The following RYR3 variants were observed in gnomAD, a reference collection of about 807,000 sequenced individuals.
RYR3 encodes the protein brain ryanodine receptor-calcium release channel.
In RYR3, 207 loss-of-function variants were observed where a neutral mutation model predicts 584.3. The ratio of observed to expected loss-of-function variants is 0.35; its 90% CI spans 0.32 to 0.40. The LOEUF (loss-of-function observed/expected upper bound fraction) is 0.40. Among genes scored for constraint, RYR3 ranks in the 10% least tolerant of loss-of-function variants. The probability of loss-of-function intolerance (pLI) is 1.00; values close to 1 mark genes in which losing one functional copy is unlikely to be tolerated. For missense variants in RYR3, 5,616 were observed against 6,089.2 expected (o/e 0.92, Z 2.59); for synonymous variants, 2,416 against 2,248.5 (o/e 1.07, Z -2.11).
chr15:33,618,352 C>T (rs1348889328), intron 19 of RYR3, among the ~76,000 whole-genome samples: 2 of 152,170 alleles, frequency 1.3e-5, no homozygotes, highest in Admixed American at 6.5e-5. Context: ...CCAGACTTGG[C>T]TAAAATTCAG....
chr15:33,332,397 T>C (rs1431049408), intron 1 of RYR3, among the ~76,000 whole-genome samples: 1 of 152,108 alleles, frequency 6.6e-6, no homozygotes, highest in African/African-American at 2.4e-5. Flanking sequence ...TGTTAACACT[T>C]ATCTCAATAA....
intron 16 of RYR3, among the ~76,000 whole-genome samples, chr15:33,594,447 A>G (rs1457761454): frequency 6.6e-6 from 1 of 152,250 alleles, no homozygotes; most frequent in Non-Finnish European, 1.5e-5. Context: ...TAAAAGCCGT[A>G]AATAGCTTAA....
At chr15:33,539,191 GC>G in intron 5 of RYR3, 158 bp from the exon 6 acceptor site, 1 of 553,346 alleles carries the variant, frequency 1.8e-6, no homozygotes, top group Middle Eastern at 3.6e-4. Flanking sequence ...CAGATGGGGG[GC>G]TGTCTGGAAC....
intron 1 of RYR3, among the ~76,000 whole-genome samples, chr15:33,464,521 T>C (rs1471771388): frequency 2.2e-5 from 3 of 137,924 alleles, no homozygotes; most frequent in African/African-American, 5.3e-5. Flanking sequence ...CATACACATA[T>C]ATGTACATTT....
intron 1 of RYR3, among the ~76,000 whole-genome samples, chr15:33,376,019 G>A (rs958022887): frequency 1.1e-4 from 16 of 152,156 alleles, no homozygotes; most frequent in African/African-American, 3.9e-4. Context: ...AGCCGAGATC[G>A]CGCCACTGCA....
At chr15:33,677,174 C>T (rs564208478) in intron 38 of RYR3, among the ~76,000 whole-genome samples, 65 of 152,060 alleles carry the variant, frequency 4.3e-4, no homozygotes, top group Middle Eastern at 3.4e-3. Context: ...TATCCCGGAC[C>T]CACACTCTTT....
intron 12 of RYR3, among the ~76,000 whole-genome samples, chr15:33,568,925 A>T (rs957816430): frequency 6.6e-6 from 1 of 152,182 alleles, no homozygotes; most frequent in African/African-American, 2.4e-5. Context: ...AAATCATAAA[A>T]TATGTTGTCT....
At chr15:33,447,733 C>T (rs145000629) in intron 1 of RYR3, among the ~76,000 whole-genome samples, 119 of 152,280 alleles carry the variant, frequency 7.8e-4, no homozygotes, top group African/African-American at 2.8e-3. Flanking sequence ...GCTCAATAGC[C>T]ACACATGACT....
chr15:33,656,749 G>C, intron 32 of RYR3, among the ~76,000 whole-genome samples: 1 of 152,156 alleles, frequency 6.6e-6, no homozygotes, highest in Non-Finnish European at 1.5e-5. Flanking sequence ...CTGGCTATCA[G>C]CCAGGGCCAC....
chr15:33,794,079 A>AAT (rs2075365193), intron 67 of RYR3, among the ~76,000 whole-genome samples: 1 of 140,068 alleles, frequency 7.1e-6, no homozygotes, highest in Admixed American at 7.5e-5. Context: ...AATATATATA[A>AAT]ATATATACAT....
chr15:33,660,174 A>C (rs1442274478), intron 33 of RYR3, 23 bp from the exon 34 acceptor site: 2 of 1,514,574 alleles, frequency 1.3e-6, no homozygotes, highest in Non-Finnish European at 1.8e-6. Context: ...TTTCTTTTCC[A>C]ATGCCTTTCC....
At chr15:33,624,600 C>A (rs936538021) in intron 20 of RYR3, among the ~76,000 whole-genome samples, 3 of 151,924 alleles carry the variant, frequency 2.0e-5, no homozygotes, top group Admixed American at 2.0e-4. Context: ...GAGGGAGGAG[C>A]AAGTAGGAGA....
intron 1 of RYR3, among the ~76,000 whole-genome samples, chr15:33,391,809 G>A (rs1367687390): frequency 1.3e-5 from 2 of 152,048 alleles, no homozygotes; most frequent in East Asian, 1.9e-4. Flanking sequence ...CTGGAAGAGG[G>A]TGTAGGACTC....
At chr15:33,717,063 C>A (rs1005506260) in intron 43 of RYR3, among the ~76,000 whole-genome samples, 4 of 152,150 alleles carry the variant, frequency 2.6e-5, no homozygotes, top group Admixed American at 2.6e-4. Flanking sequence ...GCTACATAGA[C>A]CCAAACTCTA....
chr15:33,850,819 C>T (rs191119637), intron 94 of RYR3: 17 of 152,222 alleles, frequency 1.1e-4, no homozygotes, highest in Admixed American at 7.8e-4. Context: ...CTTCCCAACC[C>T]ACAGCTATCT....
intron 3 of RYR3, among the ~76,000 whole-genome samples, chr15:33,515,115 A>G (rs1567419994): frequency 6.6e-6 from 1 of 152,262 alleles, no homozygotes; most frequent in Non-Finnish European, 1.5e-5. Flanking sequence ...TAAAGACCAC[A>G]TCAGTGAAAA....
chr15:33,864,234 T>C, intron 103 of RYR3, 45 bp downstream of exon 103: 4 of 1,486,904 alleles, frequency 2.7e-6, no homozygotes, highest in Non-Finnish European at 3.7e-6. Context: ...CTCCCTTTCC[T>C]AAATCTTGAG....
At chr15:33,634,487 A>C (rs2061412258) in intron 24 of RYR3, 99 bp from the exon 25 acceptor site, 1 of 1,250,408 alleles carries the variant, frequency 8.0e-7, no homozygotes, top group Non-Finnish European at 1.2e-6. Context: ...ACCTAGAGCG[A>C]CCAGAAAGCC....
chr15:33,538,569 G>A (rs1390841733), intron 5 of RYR3, among the ~76,000 whole-genome samples: 1 of 152,168 alleles, frequency 6.6e-6, no homozygotes, highest in Non-Finnish European at 1.5e-5. Context: ...ATCTTCTATA[G>A]CGTGGAGGAG....
Sources: allele counts gnomAD v4.1 joint callset (sites outside exome capture counted in the v4.1 genomes callset), GRCh38; gene constraint gnomAD v4.1.1; transcripts MANE v1.5; gene names NCBI Gene and HGNC (gene_info 2026-07-23, HGNC 2026-07-21).